The following POFUT1 variants were observed in gnomAD, a reference collection of about 807,000 sequenced individuals.
POFUT1 encodes protein O-fucosyltransferase 1, also known as GDP-fucose protein O-fucosyltransferase 1.
POFUT1 carries 16 observed loss-of-function variants against 42.4 expected under a neutral mutation model. The ratio of observed to expected loss-of-function variants is 0.38; its 90% CI spans 0.26 to 0.57. The LOEUF (loss-of-function observed/expected upper bound fraction) is 0.57. Ranked by LOEUF, POFUT1 falls within the 20% of genes least tolerant of loss-of-function variation. POFUT1 has a pLI of 0.71. For synonymous variants in POFUT1, 206 were observed against 205.4 expected (o/e 1.00, Z -0.03); for missense variants, 470 against 504.6 (o/e 0.93, Z 0.66).
At chr20:32,215,228 G>A (rs775516740) in intron 2 of POFUT1, 41 bp from the exon 3 acceptor site, 6 of 1,533,798 alleles carry the variant, frequency 3.9e-6, no homozygotes, top group East Asian at 4.6e-5. Flanking sequence ...AGTAGCCACG[G>A]GGGCACTGAG....
At chr20:32,225,676 A>G (rs2122591856) in intron 4 of POFUT1, among the ~76,000 whole-genome samples, 1 of 152,042 alleles carries the variant, frequency 6.6e-6, no homozygotes, top group African/African-American at 2.4e-5. Context: ...TTTTGGATAG[A>G]TGGGGTGTTG....
chr20:32,224,905 C>G (rs2047407234), intron 4 of POFUT1, among the ~76,000 whole-genome samples: 1 of 152,210 alleles, frequency 6.6e-6, no homozygotes, highest in South Asian at 2.1e-4. Flanking sequence ...GGCCAAGTCT[C>G]TGAAACATAA....
intron 6 of POFUT1, among the ~76,000 whole-genome samples, chr20:32,234,129 G>A (rs556698681): frequency 1.3e-5 from 2 of 152,348 alleles, no homozygotes; most frequent in Admixed American, 1.3e-4. Flanking sequence ...ACCCACCTGG[G>A]CAGTATAGCA....
chr20:32,237,253 G>C lies in POFUT1; in HGVS notation c.*2592G>C, dbSNP rs1389357739. The C allele has an allele frequency of 6.4e-6, 1 of 155,958 alleles. No individual in the cohort carries two copies. Among genetic ancestry groups the C allele is most frequent in the African/African-American group, 2.4e-5 (1 of 41,480 alleles). The allele number at this position is 155,958 out of a possible 1,614,324, so 9.7% of individuals were successfully genotyped here. ...CTCTATGCTAGGTACTGGGGATACAGGAGAGAATCAAGCGTAAAGTCTTTG... is the reference window on the plus strand; with the variant it reads ...CTCTATGCTAGGTACTGGGGATACACGAGAGAATCAAGCGTAAAGTCTTTG... On this transcript the variant is annotated 3_prime_UTR_variant, in exon 7 of 7. Transcript: ENST00000375749.
chr20:32,227,251 G>A (rs2047419209), intron 4 of POFUT1, among the ~76,000 whole-genome samples: 1 of 152,130 alleles, frequency 6.6e-6, no homozygotes, highest in Non-Finnish European at 1.5e-5. Flanking sequence ...GGGCGCGGTG[G>A]CCCACACCTG....
Position 32,208,042 on chromosome 20 carries a change from A to G in POFUT1, c.101A>G (p.Tyr34Cys), listed in dbSNP as rs765055989. The G allele has an allele frequency of 2.6e-6, 4 of 1,565,990 alleles. No individual in the cohort carries two copies. Among genetic ancestry groups the G allele is most frequent in the Admixed American group, 1.8e-5 (1 of 54,314 alleles). Reference protein sequence around the residue: ...MPAGSWDPAGYLLYCPCMGRF... With the variant: ...MPAGSWDPAGCLLYCPCMGRF... ...GCGGGCTCCTGGGACCCGGCCGGTT[A>G]CCTGCTCTACTGCCCCTGCATGGGT... The change falls in exon 1 of 7, where the codon TAC (tyrosine) becomes TGC (cysteine). Residue 34 changes from tyrosine (Y) to cysteine (C), a missense_variant. By Grantham distance (194) the Tyr-to-Cys change is radical. Transcript: ENST00000375749.
At position 32,235,080 on chromosome 20, in the gene POFUT1, T is replaced by C. The variant is rs2047463039; in HGVS notation, c.*419T>C. 1 of 156,062 alleles carries C rather than the reference T, an allele frequency of 6.4e-6. No individual in the cohort carries two copies. Among genetic ancestry groups the C allele is most frequent in the Non-Finnish European group, 1.4e-5 (1 of 70,184 alleles). 9.7% of individuals were successfully genotyped at this position (156,062 alleles called of 1,614,324 possible). A position where few individuals can be genotyped will look rare whatever the true frequency, so the allele number is the denominator to read the frequency against. On this transcript the variant is annotated 3_prime_UTR_variant, in exon 7 of 7. Transcript: ENST00000375749. ...GGTTTTTGAAAATCATTGAATTCTA[T>C]TAATGTAGGTACCTAAAGTGACCTT...
intron 4 of POFUT1, chr20:32,217,023 C>A (rs371589666): frequency 6.2e-7 from 1 of 1,613,866 alleles, no homozygotes; most frequent in African/African-American, 1.3e-5. Flanking sequence ...AGAATCACTC[C>A]TGTGTTACCT....
At chr20:32,230,587 C>T (rs1454363255) in intron 5 of POFUT1, among the ~76,000 whole-genome samples, 4 of 139,078 alleles carry the variant, frequency 2.9e-5, no homozygotes, top group Admixed American at 7.3e-5. Context: ...TCCAGCTACT[C>T]GGGAGGCTGA....
chr20:32,228,876 A>AT (rs1372609407), intron 5 of POFUT1, among the ~76,000 whole-genome samples: 6 of 152,246 alleles, frequency 3.9e-5, no homozygotes, highest in African/African-American at 7.2e-5. Context: ...GGCTGTTTAA[A>AT]TGTGCAGAAT....
Position 32,235,530 on chromosome 20 carries a change from C to G in POFUT1, c.*869C>G, listed in dbSNP as rs549130561. The stretch of plus-strand genomic sequence containing the variant: ...TCGGTTGATATCCAAAGCCTGTTCT[C>G]CCAGCCGTCCTCCTGCAGCTGGAGC... On this transcript the variant is annotated 3_prime_UTR_variant, in exon 7 of 7. Transcript: ENST00000375749. The G allele has an allele frequency of 6.6e-6, 1 of 152,422 alleles. No homozygotes were observed. The highest frequency in any genetic ancestry group is 2.1e-4 in the South Asian group (1 of 4,832). 9.4% of individuals were successfully genotyped at this position (152,422 alleles called of 1,614,324 possible).
In POFUT1 at chr20:32,234,542, T is replaced by C; in HGVS notation, c.1048T>C (p.Phe350Leu). ...GTACATCCTCGGCCAAGCCGACCAC[T>C]TTATTGGCAACTGTGTCTCCTCCTT... ...DLYILGQADHFIGNCVSSFTA... is the reference protein window; with the variant it reads ...DLYILGQADHLIGNCVSSFTA... The change falls in exon 7 of 7, where the codon TTT becomes CTT. Residue 350 changes from phenylalanine (F) to leucine (L), a missense_variant. Physicochemically the swap from Phe to Leu is conservative, Grantham distance 22. Coordinates refer to ENST00000375749, the MANE Select transcript of POFUT1 (RefSeq NM_015352.2). The C allele has an allele frequency of 6.2e-7, 1 of 1,614,166 alleles. No individual in the cohort carries two copies. Among genetic ancestry groups the C allele is most frequent in the Non-Finnish European group, 8.5e-7 (1 of 1,179,988 alleles).
At chr20:32,228,139 C>G (rs1454706667) in intron 4 of POFUT1, 124 bp from the exon 5 acceptor site, 2 of 642,880 alleles carry the variant, frequency 3.1e-6, no homozygotes, top group African/African-American at 3.7e-5. Flanking sequence ...GTGTTTCTTG[C>G]GTGTTGCAGG....
Position 32,216,597 on chromosome 20 carries a change from CTCTT to C in POFUT1, c.430-8_430-5del, listed in dbSNP as rs1223187056. ...CCCCATCAGTAAGCCTTCCACCACTCTCTTTCTGCAGGAAGGAAACCCCTTTGGC... is the reference window on the plus strand; with the variant it reads ...CCCCATCAGTAAGCCTTCCACCACTCTCTGCAGGAAGGAAACCCCTTTGGC... On this transcript the variant is annotated splice_region_variant and splice_polypyrimidine_tract_variant and intron_variant, in intron 3 of 6. Coordinates refer to ENST00000375749, the MANE Select transcript of POFUT1 (RefSeq NM_015352.2). The C allele has an allele frequency of 2.6e-6, 4 of 1,558,952 alleles. No homozygotes were observed. Among genetic ancestry groups the C allele is most frequent in the Non-Finnish European group, 3.5e-6 (4 of 1,129,894 alleles).
chr20:32,230,729 G>C, intron 5 of POFUT1, 90 bp from the exon 6 acceptor site: 1 of 1,428,866 alleles, frequency 7.0e-7, no homozygotes, highest in Non-Finnish European at 9.6e-7. Context: ...GGTTCTTCCT[G>C]TATAGCCTGT....
At chr20:32,222,683 G>A in intron 4 of POFUT1, 1 of 985,340 alleles carries the variant, frequency 1.0e-6, no homozygotes. Context: ...AGGATAAGAG[G>A]TATTTCTTCT....
chr20:32,210,067 C>T lies in POFUT1; in HGVS notation c.125-4C>T. The T allele has an allele frequency of 6.2e-7, 1 of 1,614,194 alleles. No homozygotes were observed. The highest frequency in any genetic ancestry group is 8.5e-7 in the Non-Finnish European group (1 of 1,180,032). Reference sequence around the variant, plus strand: ...TCACCTCACCCGCAATGTACCATTTCCAGGGCGCTTTGGGAACCAGGCCGA... The same window carrying T: ...TCACCTCACCCGCAATGTACCATTTTCAGGGCGCTTTGGGAACCAGGCCGA... On this transcript the variant is annotated splice_region_variant and splice_polypyrimidine_tract_variant and intron_variant, in intron 1 of 6. Transcript: ENST00000375749.
chr20:32,224,056 T>C (rs1362308011), intron 4 of POFUT1, among the ~76,000 whole-genome samples: 2 of 152,150 alleles, frequency 1.3e-5, no homozygotes, highest in Non-Finnish European at 2.9e-5. Context: ...TATCACATAA[T>C]GAGGCCCAAT....
chr20:32,213,830 G>A (rs1487403635), intron 2 of POFUT1, among the ~76,000 whole-genome samples: 1 of 152,140 alleles, frequency 6.6e-6, no homozygotes, highest in Non-Finnish European at 1.5e-5. Context: ...ACCATTAGAA[G>A]TGATAATTGT....
Sources: allele counts gnomAD v4.1 joint callset (sites outside exome capture counted in the v4.1 genomes callset), GRCh38; gene constraint gnomAD v4.1.1; transcripts MANE v1.5; gene names NCBI Gene and HGNC (gene_info 2026-07-23, HGNC 2026-07-21).